Variants in SNAP23 observed in about 807,000 individuals in gnomAD.
SNAP23 encodes the protein synaptosome associated protein 23.
Under a neutral mutation model 29.0 loss-of-function variants are expected in SNAP23, and 11 were observed. The ratio of observed to expected loss-of-function variants is 0.38; its 90% CI spans 0.24 to 0.63. The LOEUF (loss-of-function observed/expected upper bound fraction) is 0.63. Among genes scored for constraint, SNAP23 ranks in the 20% least tolerant of loss-of-function variants. SNAP23 has a pLI of 0.58. For synonymous variants in SNAP23, 60 were observed against 82.9 expected (o/e 0.72, Z 1.50); for missense variants, 220 against 253.9 (o/e 0.87, Z 0.91).
At chr15:42,515,736 G>A (rs1034780029) in intron 5 of SNAP23, among the ~76,000 whole-genome samples, 10 of 152,194 alleles carry the variant, frequency 6.6e-5, no homozygotes, top group African/African-American at 2.2e-4. Flanking sequence ...GAGTAGAAGA[G>A]TTGGGAAAGA....
In SNAP23 at chr15:42,515,500, T is replaced by C. The variant is rs2057390919; in HGVS notation, c.266+146T>C. 8 of 588,790 alleles carry C rather than the reference T, an allele frequency of 1.4e-5. No individual in the cohort carries two copies. In the Admixed American group the frequency reaches 2.1e-4, roughly 15 times the overall value. The allele number at this position is 588,790 out of a possible 1,614,324, so 36.5% of individuals were successfully genotyped here. A position where few individuals can be genotyped will look rare whatever the true frequency, so the allele number is the denominator to read the frequency against. On this transcript the variant is annotated intron_variant, in intron 5 of 7. Coordinates refer to ENST00000249647, the MANE Select transcript of SNAP23 (RefSeq NM_003825.4). ...TGTCTCTCCTTCAGGCAGATTAAGC[T>C]TTTTGTGTAAATACTGCGTGTTCAC...
At chr15:42,513,034 T>C (rs780440112) in intron 3 of SNAP23, 38 bp downstream of exon 3, 2 of 1,410,236 alleles carry the variant, frequency 1.4e-6, no homozygotes, top group Non-Finnish European at 2.0e-6. Context: ...GTATAGAAAT[T>C]TATAGGAGCG....
At chr15:42,527,261 C>T (rs2141554999) in intron 5 of SNAP23, among the ~76,000 whole-genome samples, 1 of 152,278 alleles carries the variant, frequency 6.6e-6, no homozygotes, top group Non-Finnish European at 1.5e-5. Context: ...GGAAATTATT[C>T]ATGCCTTTCT....
Position 42,528,284 on chromosome 15 carries a change from A to C in SNAP23, c.289A>C (p.Lys97Gln). Residue 97 changes from lysine to glutamine, a missense_variant, in exon 6 of 8, where the codon AAG becomes CAG. Physicochemically the swap from Lys to Gln is moderately conservative, Grantham distance 53. Coordinates refer to ENST00000249647, the MANE Select transcript of SNAP23 (RefSeq NM_003825.4). ...CNRTKNFESG[K>Q]AYKTTWGDGG... Reference sequence around the variant, plus strand: ...TAGAACAAAGAACTTTGAGTCTGGCAAGGCTTATAAGACAACATGGGGAGA... The same window carrying C: ...TAGAACAAAGAACTTTGAGTCTGGCCAGGCTTATAAGACAACATGGGGAGA... 6.2e-7 allele frequency: 1 copy of C among 1,614,094 alleles called. No individual in the cohort carries two copies. Among genetic ancestry groups the C allele is most frequent in the Non-Finnish European group, 8.5e-7 (1 of 1,179,980 alleles).
upstream of SNAP23, among the ~76,000 whole-genome samples, chr15:42,493,902 G>A (rs1425983327): frequency 6.6e-6 from 1 of 151,634 alleles, no homozygotes; most frequent in East Asian, 1.9e-4. Context: ...CTCATAATTG[G>A]GGAAATATCT....
rs1376332554 is a variant in SNAP23 at position 42,497,907 on chromosome 15, C to T, written c.-15+2194C>T. Among the ~76,000 whole-genome samples the T allele has an allele frequency of 3.9e-5, 6 of 152,302 alleles. No individual in the cohort carries two copies. In the East Asian group the frequency reaches 1.2e-3, roughly 29 times the overall value. ...AAATTGGCCAAAACAAAGGGGCTAC[C>T]GGCCCTATGCAAGTCCAAAATCCAG... On this transcript the variant is annotated intron_variant, in intron 1 of 7. Coordinates refer to ENST00000249647, the MANE Select transcript of SNAP23 (RefSeq NM_003825.4).
Position 42,528,398 on chromosome 15 carries a change from G to A in SNAP23, c.403G>A (p.Ala135Thr), listed in dbSNP as rs138357396. Residue 135 changes from alanine to threonine, a missense_variant, in exon 6 of 8, where the codon GCC (alanine) becomes ACC (threonine). Ala to Thr is a moderately conservative substitution (Grantham distance 58). Coordinates refer to ENST00000249647, the MANE Select transcript of SNAP23 (RefSeq NM_003825.4). The stretch of plus-strand genomic sequence containing the variant: ...GCTTCAGCAACCAACAACGGGAGCA[G>A]CCAGTGGTGGATACATTAAACGGTA... ...GQLQQPTTGA[A>T]SGGYIKRITN... 3.2e-5 allele frequency: 51 copies of A among 1,614,026 alleles called. No homozygotes were observed. Among genetic ancestry groups the A allele is most frequent in the Middle Eastern group, 1.6e-4 (1 of 6,082 alleles).
chr15:42,504,235 G>A (rs1038111996), intron 1 of SNAP23, among the ~76,000 whole-genome samples: 18 of 151,808 alleles, frequency 1.2e-4, no homozygotes, highest in Non-Finnish European at 1.3e-4. Context: ...CCAGCTACTC[G>A]GGAGACTGGG....
chr15:42,532,927 T>C lies in SNAP23; in HGVS notation c.*1449T>C, dbSNP rs374958141. On this transcript the variant is annotated 3_prime_UTR_variant, in exon 8 of 8. Coordinates refer to ENST00000249647, the MANE Select transcript of SNAP23 (RefSeq NM_003825.4). ...TCAAGTTGATGTGGATCCTGAAAAGTGTTATGAACATCTGATTGGTATTTG... is the reference window on the plus strand; with the variant it reads ...TCAAGTTGATGTGGATCCTGAAAAGCGTTATGAACATCTGATTGGTATTTG... The C allele has an allele frequency of 6.5e-6, 1 of 152,690 alleles. No homozygotes were observed. Among genetic ancestry groups the C allele is most frequent in the Non-Finnish European group, 1.5e-5 (1 of 68,042 alleles). 9.5% of individuals were successfully genotyped at this position (152,690 alleles called of 1,614,324 possible).
At chr15:42,494,223 C>G (rs931330640), upstream of SNAP23, among the ~76,000 whole-genome samples, 2 of 152,144 alleles carry the variant, frequency 1.3e-5, no homozygotes, top group African/African-American at 4.8e-5. Context: ...GTCCCCATCT[C>G]TACATCTCCC....
Position 42,528,253 on chromosome 15 carries a change from CTT to C in SNAP23, c.267-8_267-7del, listed in dbSNP as rs1566820675. 5 of 1,613,058 alleles carry C rather than the reference CTT, an allele frequency of 3.1e-6. No homozygotes were observed. Among genetic ancestry groups the C allele is most frequent in the Non-Finnish European group, 4.2e-6 (5 of 1,179,348 alleles). ...TTGGTATCTCCCTACACTCCTGACT[CTT>C]ATATAGAACAAAGAACTTTGAGTCT... On this transcript the variant is annotated splice_region_variant and splice_polypyrimidine_tract_variant and intron_variant, in intron 5 of 7. Transcript: ENST00000249647.
chr15:42,511,983 A>G, intron 2 of SNAP23, 80 bp downstream of exon 2: 1 of 876,394 alleles, frequency 1.1e-6, no homozygotes, highest in Non-Finnish European at 1.8e-6. Flanking sequence ...TCTTAGGGAC[A>G]TTTTGGCCTC....
intron 4 of SNAP23, among the ~76,000 whole-genome samples, chr15:42,514,776 C>T (rs1196635283): frequency 2.0e-5 from 3 of 149,760 alleles, no homozygotes; most frequent in Non-Finnish European, 4.4e-5. Context: ...AATCGCAGCT[C>T]ACTGCAACCT....
intron 2 of SNAP23, 31 bp downstream of exon 2, chr15:42,511,934 T>G: frequency 6.8e-7 from 1 of 1,474,494 alleles, no homozygotes; most frequent in Non-Finnish European, 9.3e-7. Context: ...AAGTAAATAA[T>G]TCTATTTCAG....
chr15:42,496,722 A>T (rs919526711), intron 1 of SNAP23, among the ~76,000 whole-genome samples: 1 of 152,134 alleles, frequency 6.6e-6, no homozygotes, highest in Non-Finnish European at 1.5e-5. Context: ...AACTCAAAAA[A>T]AAACAAAAAG....
At chr15:42,519,566 T>C (rs1217806781) in intron 5 of SNAP23, among the ~76,000 whole-genome samples, 25 of 145,858 alleles carry the variant, frequency 1.7e-4, no homozygotes, top group African/African-American at 5.3e-4. Flanking sequence ...GACGGGGTTT[T>C]GCCATGTTGG....
chr15:42,528,468 T>A, intron 6 of SNAP23, 48 bp downstream of exon 6: 1 of 1,564,928 alleles, frequency 6.4e-7, no homozygotes, highest in Non-Finnish European at 8.8e-7. Context: ...AATGAATGGT[T>A]CACTTAGGAG....
intron 1 of SNAP23, among the ~76,000 whole-genome samples, chr15:42,510,792 C>A (rs73404725): frequency 0.047 from 7,223 of 152,130 alleles, 571 homozygotes; most frequent in African/African-American, 0.16. Flanking sequence ...TCAGATTATT[C>A]TTTGCTGGAG....
At chr15:42,496,644 G>C (rs1360822407) in intron 1 of SNAP23, among the ~76,000 whole-genome samples, 2 of 152,014 alleles carry the variant, frequency 1.3e-5, no homozygotes, top group Non-Finnish European at 2.9e-5. Flanking sequence ...TTGAACCTGG[G>C]AAACAGAGGT....
Sources: allele counts gnomAD v4.1 joint callset (sites outside exome capture counted in the v4.1 genomes callset), GRCh38; gene constraint gnomAD v4.1.1; transcripts MANE v1.5; gene names NCBI Gene and HGNC (gene_info 2026-07-23, HGNC 2026-07-21).